Variants in ARPP21 observed in about 807,000 individuals in gnomAD.
ARPP21 encodes cAMP-regulated phosphoprotein 21.
Under a neutral mutation model 113.2 loss-of-function variants are expected in ARPP21, and 69 were observed. The observed-to-expected ratio is 0.61, with a 90% CI of 0.50 to 0.74. The LOEUF (loss-of-function observed/expected upper bound fraction) is 0.74, where lower values mean the gene tolerates loss of function less well. Among genes scored for constraint, ARPP21 ranks in the 30% least tolerant of loss-of-function variants. The pLI is 0.00. For synonymous variants in ARPP21, 368 were observed against 375.5 expected, an observed-to-expected ratio of 0.98 and a Z score of 0.23; for missense variants, 1,070 against 1,037.4, an observed-to-expected ratio of 1.03 and a Z score of -0.43.
intron 1 of ARPP21, among the ~76,000 whole-genome samples, chr3:35,652,731 A>G (rs954111096): frequency 3.9e-5 from 6 of 152,066 alleles, no homozygotes; most frequent in Admixed American, 3.3e-4. Flanking sequence ...ATAAATGGTA[A>G]AGAAGATCTA....
chr3:35,750,072 A>G (rs1451639921), intron 19 of ARPP21, among the ~76,000 whole-genome samples: 2 of 118,210 alleles, frequency 1.7e-5, no homozygotes, highest in African/African-American at 6.4e-5. Context: ...TATCTTTATT[A>G]CTTTATTATT....
chr3:35,654,829 T>C (rs1372734554), intron 1 of ARPP21, among the ~76,000 whole-genome samples: 1 of 152,110 alleles, frequency 6.6e-6, no homozygotes, highest in Non-Finnish European at 1.5e-5. Flanking sequence ...TAAACATGTT[T>C]ATTAATTATT....
chr3:35,760,182 C>T (rs1219517188), intron 19 of ARPP21, among the ~76,000 whole-genome samples: 1 of 152,098 alleles, frequency 6.6e-6, no homozygotes, highest in African/African-American at 2.4e-5. Flanking sequence ...CTTTCTCCCC[C>T]TTGTTGTCGT....
chr3:35,716,490 T>C (rs185841992), intron 12 of ARPP21, among the ~76,000 whole-genome samples: 6 of 152,004 alleles, frequency 3.9e-5, no homozygotes, highest in Admixed American at 3.3e-4. Context: ...AATAACCTCT[T>C]CAGAAGAAGA....
At chr3:35,675,214 T>G (rs953212057) in intron 1 of ARPP21, among the ~76,000 whole-genome samples, 3 of 151,686 alleles carry the variant, frequency 2.0e-5, no homozygotes, top group Non-Finnish European at 4.4e-5. Flanking sequence ...GTGGGTAAAT[T>G]ATGCCAGACT....
chr3:35,674,437 T>C (rs2077014878), intron 1 of ARPP21, among the ~76,000 whole-genome samples: 1 of 151,952 alleles, frequency 6.6e-6, no homozygotes, highest in South Asian at 2.1e-4. Flanking sequence ...GCTTTTTGCT[T>C]GAAGATTAAG....
chr3:35,736,248 T>G (rs2094342294), intron 15 of ARPP21, among the ~76,000 whole-genome samples: 1 of 152,224 alleles, frequency 6.6e-6, no homozygotes, highest in Admixed American at 6.5e-5. Flanking sequence ...TGCCTGTTAC[T>G]GTGCTTGCCA....
chr3:35,667,434 T>G (rs1675029862), intron 1 of ARPP21, among the ~76,000 whole-genome samples: 1 of 152,190 alleles, frequency 6.6e-6, no homozygotes, highest in South Asian at 2.1e-4. Flanking sequence ...ATTAAATAAC[T>G]AATTCATCAA....
At position 35,724,882 on chromosome 3, in the gene ARPP21, C is replaced by G. The variant is rs185085996; in HGVS notation, c.1225+3048C>G. Among the ~76,000 whole-genome samples the G allele has an allele frequency of 2.9e-3, 440 of 152,168 alleles. 13 individuals carry two copies. The highest frequency in any genetic ancestry group is 0.027 in the Admixed American group (414 of 15,298). ...TAGGTTATTCTACTGAACACTGACC[C>G]CCTGAATCTGGAAATATTTTCTTGA... On this transcript the variant is annotated intron_variant, in intron 14 of 20. Coordinates refer to ENST00000684406, the MANE Select transcript of ARPP21 (RefSeq NM_001385562.1).
intron 9 of ARPP21, among the ~76,000 whole-genome samples, chr3:35,700,255 A>G (rs2085822636): frequency 6.6e-6 from 1 of 151,826 alleles, no homozygotes; most frequent in African/African-American, 2.4e-5. Context: ...AGTAAGATGC[A>G]GAGCTGAAAA....
chr3:35,729,564 C>A (rs755178190), intron 15 of ARPP21, 28 bp downstream of exon 15: 3 of 1,550,326 alleles, frequency 1.9e-6, no homozygotes, highest in African/African-American at 2.7e-5. Flanking sequence ...TTATCAGGGA[C>A]ACAAGGCTTT....
intron 1 of ARPP21, among the ~76,000 whole-genome samples, chr3:35,673,360 C>T (rs1369326435): frequency 6.6e-6 from 1 of 151,934 alleles, no homozygotes; most frequent in Non-Finnish European, 1.5e-5. Flanking sequence ...CCCTTTCATT[C>T]TTTTGCGCCC....
intron 18 of ARPP21, among the ~76,000 whole-genome samples, chr3:35,743,070 A>G (rs564989522): frequency 9.7e-4 from 147 of 152,304 alleles, no homozygotes; most frequent in African/African-American, 3.4e-3. Flanking sequence ...TCCCTTTTAG[A>G]TTGAACATAC....
At chr3:35,734,842 C>T (rs1680228936) in intron 15 of ARPP21, among the ~76,000 whole-genome samples, 2 of 152,186 alleles carry the variant, frequency 1.3e-5, no homozygotes, top group African/African-American at 4.8e-5. Flanking sequence ...ATGACCTGCA[C>T]ACATCTGAAG....
At chr3:35,685,678 C>G in intron 5 of ARPP21, 1 of 983,804 alleles carries the variant, frequency 1.0e-6, no homozygotes, top group South Asian at 4.7e-5. Flanking sequence ...CAGACCCATA[C>G]CTGATGGTTC....
At chr3:35,703,231 T>C (rs1194296596) in intron 9 of ARPP21, among the ~76,000 whole-genome samples, 1 of 151,880 alleles carries the variant, frequency 6.6e-6, no homozygotes, top group Non-Finnish European at 1.5e-5. Context: ...ATAAGAAAGA[T>C]TAAAAATACT....
chr3:35,709,171 G>A (rs2090243994), intron 11 of ARPP21, 101 bp downstream of exon 11: 2 of 787,890 alleles, frequency 2.5e-6, no homozygotes, highest in East Asian at 2.7e-5. Flanking sequence ...AAAAAGGCTG[G>A]AGCCAGAGAA....
intron 19 of ARPP21, among the ~76,000 whole-genome samples, chr3:35,762,950 AC>A (rs2095836599): frequency 6.6e-6 from 1 of 152,116 alleles, no homozygotes; most frequent in Non-Finnish European, 1.5e-5. Context: ...ATTAAACATT[AC>A]TGATTCTGAT....
At chr3:35,712,042 A>G (rs1376327317) in intron 11 of ARPP21, among the ~76,000 whole-genome samples, 1 of 152,190 alleles carries the variant, frequency 6.6e-6, no homozygotes, top group Non-Finnish European at 1.5e-5. Context: ...CTATTACTGT[A>G]TCCTCTATTG....
Sources: allele counts gnomAD v4.1 joint callset (sites outside exome capture counted in the v4.1 genomes callset), GRCh38; gene constraint gnomAD v4.1.1; transcripts MANE v1.5; gene names NCBI Gene and HGNC (gene_info 2026-07-23, HGNC 2026-07-21).